LRRC4C: variants seen among roughly 807,000 people sequenced by gnomAD.
LRRC4C encodes leucine-rich repeat-containing protein 4C.
Under a neutral mutation model 33.6 loss-of-function variants are expected in LRRC4C, and 5 were observed. The observed-to-expected ratio is 0.15, with a 90% CI of 0.08 to 0.31. The LOEUF (loss-of-function observed/expected upper bound fraction) is 0.31, where lower values mean the gene tolerates loss of function less well. Among genes scored for constraint, LRRC4C ranks in the 10% least tolerant of loss-of-function variants. The pLI, the probability that LRRC4C is intolerant of heterozygous loss-of-function variation, is 1.00. For synonymous variants in LRRC4C, 329 were observed against 302.0 expected (o/e 1.09, Z -0.93); for missense variants, 560 against 796.7 (o/e 0.70, Z 3.58).
At chr11:40,485,981 C>T (rs539661405) in intron 3 of LRRC4C, among the ~76,000 whole-genome samples, 72 of 151,668 alleles carry the variant, frequency 4.7e-4, no homozygotes, top group African/African-American at 1.6e-3. Flanking sequence ...CAACACACAC[C>T]GAGGCCTATG....
chr11:40,661,935 T>G (rs1184478759), intron 2 of LRRC4C, among the ~76,000 whole-genome samples: 3 of 152,188 alleles, frequency 2.0e-5, no homozygotes, highest in African/African-American at 2.4e-5. Context: ...GAAATCCATG[T>G]TGCAGAGACA....
chr11:41,229,781 G>A (rs769158108), intron 1 of LRRC4C, among the ~76,000 whole-genome samples: 5 of 152,020 alleles, frequency 3.3e-5, no homozygotes, highest in Non-Finnish European at 5.9e-5. Flanking sequence ...GTATTAAAAT[G>A]TCACACCGAG....
Position 40,949,157 on chromosome 11 carries a change from A to G in LRRC4C, c.-495-15434T>C, listed in dbSNP as rs1388587996. On this transcript the variant is annotated intron_variant, in intron 1 of 6. Transcript: ENST00000528697. ...TTTTTCACGTGTTTTTTGGCTGCAT[A>G]AATGTCTTCTTTTGAGAAGTGTCTG... is the stretch of plus-strand genomic sequence containing the variant. Among the ~76,000 whole-genome samples, 13 of 152,230 alleles carry G rather than the reference A, an allele frequency of 8.5e-5. No individual in the cohort carries two copies. In the East Asian group the frequency reaches 2.3e-3, roughly 27 times the overall value.
intron 2 of LRRC4C, among the ~76,000 whole-genome samples, chr11:40,677,143 T>C (rs1329176564): frequency 6.6e-6 from 1 of 152,146 alleles, no homozygotes; most frequent in Admixed American, 6.5e-5. Context: ...CATAGCACTT[T>C]GGGAGGCAGA....
chr11:40,135,302 C>A (rs1296294860), intron 6 of LRRC4C, among the ~76,000 whole-genome samples: 1 of 152,128 alleles, frequency 6.6e-6, no homozygotes, highest in Non-Finnish European at 1.5e-5. Flanking sequence ...GCTGTGTTAA[C>A]CATAGGTTGT....
rs952350226 is a variant in LRRC4C at position 40,177,160 on chromosome 11, A to G, written c.-95-36307T>C. On this transcript the variant is annotated intron_variant, in intron 5 of 6. Transcript: ENST00000528697. ...AGAGGAGACGGGGTTTCATTGTGTT[A>G]GCCAGGATGGTCTTGATCTCCTGAC... is the stretch of plus-strand genomic sequence containing the variant. 5.9e-5 allele frequency among the ~76,000 whole-genome samples: 9 copies of G among 152,100 alleles called. No individual in the cohort carries two copies. The South Asian group carries it at 6.2e-4, about 11-fold the overall frequency.
At chr11:41,171,961 T>C (rs1299213960) in intron 1 of LRRC4C, among the ~76,000 whole-genome samples, 4 of 152,042 alleles carry the variant, frequency 2.6e-5, no homozygotes, top group African/African-American at 9.7e-5. Flanking sequence ...ATAAATATTC[T>C]CCTGAGGTTT....
At chr11:41,187,527 C>T (rs1276796854) in intron 1 of LRRC4C, among the ~76,000 whole-genome samples, 2 of 152,158 alleles carry the variant, frequency 1.3e-5, no homozygotes, top group Non-Finnish European at 2.9e-5. Context: ...CTTCTGGCCT[C>T]CCCATCCTCC....
At chr11:40,433,916 A>G (rs1390940402) in intron 3 of LRRC4C, among the ~76,000 whole-genome samples, 1 of 152,154 alleles carries the variant, frequency 6.6e-6, no homozygotes, top group Non-Finnish European at 1.5e-5. Flanking sequence ...GAGTATGAGG[A>G]CTGAGAAATT....
intron 3 of LRRC4C, among the ~76,000 whole-genome samples, chr11:40,532,729 A>G (rs898973113): frequency 1.3e-5 from 2 of 152,050 alleles, no homozygotes; most frequent in African/African-American, 2.4e-5. Context: ...GATGGTAAGA[A>G]TAAGCATGGG....
chr11:40,164,226 A>G lies in LRRC4C; in HGVS notation c.-95-23373T>C, dbSNP rs191086869. ...CAAGAATGTCCAGTAGATGCTGTTA[A>G]GAAGCTCATCAATGGATGAATGAAT... On this transcript the variant is annotated intron_variant, in intron 5 of 6. Transcript: ENST00000528697. 2.4e-4 allele frequency among the ~76,000 whole-genome samples: 36 copies of G among 152,342 alleles called. 1 individual carries two copies. In the East Asian group the frequency reaches 4.2e-3, roughly 18 times the overall value.
chr11:40,723,194 T>C (rs555171233), intron 2 of LRRC4C, among the ~76,000 whole-genome samples: 1 of 151,972 alleles, frequency 6.6e-6, no homozygotes, highest in Non-Finnish European at 1.5e-5. Context: ...GAGGATATAA[T>C]CCATAAAAAT....
intron 2 of LRRC4C, among the ~76,000 whole-genome samples, chr11:40,756,576 CATATGCAAAATA>C (rs1948957035): frequency 6.6e-6 from 1 of 152,030 alleles, no homozygotes; most frequent in Admixed American, 6.6e-5. Flanking sequence ...GTATTTTCTC[CATATGCAAAATA>C]TCCTTTGGTA....
chr11:40,784,996 A>G (rs1031259381), intron 2 of LRRC4C, among the ~76,000 whole-genome samples: 12 of 152,210 alleles, frequency 7.9e-5, no homozygotes, highest in African/African-American at 2.9e-4. Context: ...GAAAGAGAAC[A>G]TTTTAAAAAT....
chr11:41,381,722 TG>T (rs1254172786), intron 1 of LRRC4C, among the ~76,000 whole-genome samples: 1 of 151,760 alleles, frequency 6.6e-6, no homozygotes, highest in Non-Finnish European at 1.5e-5. Context: ...GTAGAATTTT[TG>T]GAAATAAGAA....
intron 2 of LRRC4C, among the ~76,000 whole-genome samples, chr11:40,652,290 C>T (rs1489029139): frequency 6.6e-6 from 1 of 152,096 alleles, no homozygotes; most frequent in Non-Finnish European, 1.5e-5. Flanking sequence ...ACTTACTACC[C>T]CAAATTCACT....
At chr11:40,302,300 A>G (rs559973549) in intron 4 of LRRC4C, among the ~76,000 whole-genome samples, 2 of 152,314 alleles carry the variant, frequency 1.3e-5, no homozygotes, top group Admixed American at 1.3e-4. Context: ...CATTTTCACT[A>G]GGATAACAAT....
chr11:40,942,369 TGTTA>T (rs1364200473), intron 1 of LRRC4C, among the ~76,000 whole-genome samples: 2 of 151,938 alleles, frequency 1.3e-5, no homozygotes, highest in East Asian at 3.9e-4. Context: ...GTCATGGGAG[TGTTA>T]GTTTTTACTC....
intron 3 of LRRC4C, among the ~76,000 whole-genome samples, chr11:40,374,642 G>A (rs1948588563): frequency 6.6e-6 from 1 of 151,960 alleles, no homozygotes; most frequent in East Asian, 1.9e-4. Context: ...TCTTTTCTTA[G>A]GAGTTCATTT....
Sources: allele counts gnomAD v4.1 joint callset (sites outside exome capture counted in the v4.1 genomes callset), GRCh38; gene constraint gnomAD v4.1.1; transcripts MANE v1.5; gene names NCBI Gene and HGNC (gene_info 2026-07-23, HGNC 2026-07-21).